The following PKP2 variants were observed in gnomAD, a reference collection of about 807,000 sequenced individuals.
The protein encoded by PKP2 is plakophilin 2, also known as plakophilin-2.
In PKP2, 73 loss-of-function variants were observed where a neutral mutation model predicts 83.4. The ratio of observed to expected loss-of-function variants is 0.88; its 90% confidence interval spans 0.72 to 1.06. PKP2 has a LOEUF of 1.06. PKP2 is among the 50% of genes least tolerant of loss of function. The probability of loss-of-function intolerance (pLI) is 0.00; values close to 1 mark genes in which losing one functional copy is unlikely to be tolerated. For synonymous variants in PKP2, 409 were observed against 430.4 expected, an observed-to-expected ratio of 0.95 and a Z score of 0.62; for missense variants, 966 against 1,065.4, an observed-to-expected ratio of 0.91 and a Z score of 1.30.
chr12:32,850,371 G>A (rs925213648), intron 5 of PKP2, among the ~76,000 whole-genome samples: 2 of 152,060 alleles, frequency 1.3e-5, no homozygotes, highest in South Asian at 2.1e-4. Flanking sequence ...GGCCAACATG[G>A]TGAAACTAAA....
intron 4 of PKP2, chr12:32,863,170 G>T: frequency 5.2e-6 from 1 of 192,278 alleles, no homozygotes; most frequent in Non-Finnish European, 1.1e-5. Flanking sequence ...CAGAACAAAA[G>T]GGAACACATC....
intron 1 of PKP2, among the ~76,000 whole-genome samples, chr12:32,886,104 T>C (rs1405003561): frequency 2.6e-5 from 4 of 152,238 alleles, no homozygotes; most frequent in Non-Finnish European, 5.9e-5. Flanking sequence ...TTAGTATTGA[T>C]TTAAATGCTG....
intron 10 of PKP2, among the ~76,000 whole-genome samples, chr12:32,800,016 A>G (rs1956165308): frequency 6.6e-6 from 1 of 152,164 alleles, no homozygotes; most frequent in South Asian, 2.1e-4. Context: ...TTGTGCTTAA[A>G]CTTTTTGTAA....
At chr12:32,797,253 A>G (rs1330835081) in intron 10 of PKP2, among the ~76,000 whole-genome samples, 1 of 151,870 alleles carries the variant, frequency 6.6e-6, no homozygotes, top group Non-Finnish European at 1.5e-5. Context: ...CAGCCTGGCC[A>G]ACATGGTGAA....
At chr12:32,839,673 A>G (rs1050407289) in intron 6 of PKP2, among the ~76,000 whole-genome samples, 1 of 152,126 alleles carries the variant, frequency 6.6e-6, no homozygotes, top group African/African-American at 2.4e-5. Context: ...TTCGGTTCCC[A>G]CCATTTTCAA....
chr12:32,856,596 C>T (rs1956751123), intron 4 of PKP2, among the ~76,000 whole-genome samples: 1 of 151,918 alleles, frequency 6.6e-6, no homozygotes, highest in Admixed American at 6.6e-5. Context: ...CACACTGGGG[C>T]CTGTCATGGG....
intron 9 of PKP2, among the ~76,000 whole-genome samples, chr12:32,810,019 C>A (rs890582023): frequency 6.6e-6 from 1 of 152,156 alleles, no homozygotes; most frequent in African/African-American, 2.4e-5. Flanking sequence ...CCCTCTTGGC[C>A]CCCATCTCAA....
At chr12:32,834,302 T>TAGGCCAACA (rs1416001855) in intron 6 of PKP2, among the ~76,000 whole-genome samples, 1 of 152,160 alleles carries the variant, frequency 6.6e-6, no homozygotes, top group African/African-American at 2.4e-5. Context: ...CTTCAACAAG[T>TAGGCCAACA]ACTCAAGGAA....
intron 6 of PKP2, among the ~76,000 whole-genome samples, chr12:32,834,375 T>C (rs530499732): frequency 6.6e-6 from 1 of 152,344 alleles, no homozygotes. Flanking sequence ...CCAAGAAGGC[T>C]GGACTAGCTA....
chr12:32,893,450 T>TTA (rs1189401964), intron 1 of PKP2: 3 of 152,228 alleles, frequency 2.0e-5, no homozygotes, highest in African/African-American at 7.2e-5. Flanking sequence ...TCAAAGAAGT[T>TTA]TAATTAAACA....
At chr12:32,828,320 G>A (rs1482737348) in intron 6 of PKP2, among the ~76,000 whole-genome samples, 1 of 151,868 alleles carries the variant, frequency 6.6e-6, no homozygotes, top group African/African-American at 2.4e-5. Flanking sequence ...AAAGAGAAAA[G>A]AAAACACAAC....
At chr12:32,855,567 G>T (rs1474985366) in intron 4 of PKP2, among the ~76,000 whole-genome samples, 7 of 152,118 alleles carry the variant, frequency 4.6e-5, no homozygotes. Context: ...TTGAGGTCAG[G>T]AGTTCGAGAC....
In PKP2 at chr12:32,878,163, G is replaced by A. The variant is rs143777637; in HGVS notation, c.717C>T (p.Ala239=). 4 of 1,614,236 alleles carry A rather than the reference G, an allele frequency of 2.5e-6. No individual in the cohort carries two copies. Among genetic ancestry groups the A allele is most frequent in the South Asian group, 1.1e-5 (1 of 91,088 alleles). ...TVFDSIPANP[A]LLTYPRPGTS... ...TCCCTGGCCTGGGGTACGTGAGCAG[G>A]GCCGGGTTGGCAGGGATGCTGTCAA... is the stretch of plus-strand genomic sequence containing the variant. Residue 239 remains alanine (A), a synonymous_variant, in exon 3 of 13, where the codon GCC becomes GCT. Coordinates refer to ENST00000340811, the MANE Select transcript of PKP2 (RefSeq NM_001005242.3).
At chr12:32,807,857 C>T (rs781621318) in intron 9 of PKP2, among the ~76,000 whole-genome samples, 28 of 152,126 alleles carry the variant, frequency 1.8e-4, no homozygotes, top group Non-Finnish European at 3.1e-4. Flanking sequence ...ATATTGGCCC[C>T]CAATCTCTTC....
chr12:32,814,858 G>A (rs1956306126), intron 9 of PKP2, among the ~76,000 whole-genome samples: 1 of 151,942 alleles, frequency 6.6e-6, no homozygotes, highest in Non-Finnish European at 1.5e-5. Flanking sequence ...CCAGGAGGCG[G>A]AGGTTGCAGT....
Position 32,791,602 on chromosome 12 carries a change from ATTTAACGGCG to A in PKP2, c.*812_*821del, listed in dbSNP as rs1273966278. ...ATGCCATCGTTTAGAAGAGATTTGGATTTAACGGCGTTGTTATAGGTAAAGTATCTCCTGA... is the reference window on the plus strand; with the variant it reads ...ATGCCATCGTTTAGAAGAGATTTGGATTGTTATAGGTAAAGTATCTCCTGA... On this transcript the variant is annotated 3_prime_UTR_variant, in exon 13 of 13. Transcript: ENST00000340811. 3 of 152,260 alleles carry A rather than the reference ATTTAACGGCG, an allele frequency of 2.0e-5. No homozygotes were observed. Among genetic ancestry groups the A allele is most frequent in the Non-Finnish European group, 4.4e-5 (3 of 68,072 alleles). The allele number at this position is 152,260 out of a possible 1,614,324, so 9.4% of individuals were successfully genotyped here. A position where few individuals can be genotyped will look rare whatever the true frequency, so the allele number is the denominator to read the frequency against.
At chr12:32,892,482 T>A (rs938543682) in intron 1 of PKP2, among the ~76,000 whole-genome samples, 2 of 151,866 alleles carry the variant, frequency 1.3e-5, no homozygotes, top group African/African-American at 4.8e-5. Context: ...CTGGCTAATT[T>A]GTTTTTTATT....
chr12:32,796,018 G>T, intron 11 of PKP2, 91 bp downstream of exon 11: 1 of 1,119,878 alleles, frequency 8.9e-7, no homozygotes, highest in Non-Finnish European at 1.4e-6. Context: ...TGCACATGAT[G>T]GTCATGACCG....
chr12:32,794,401 T>C lies in PKP2; in HGVS notation c.2358-1670A>G, dbSNP rs139007869. ...AGTTCCCAGGCTAGTCCACAAACGG[T>C]AGGTCAGATATATAACACTCTAGTA... On this transcript the variant is annotated intron_variant, in intron 11 of 12. Coordinates refer to ENST00000340811, the MANE Select transcript of PKP2 (RefSeq NM_001005242.3). 9.8e-3 allele frequency among the ~76,000 whole-genome samples: 1,489 copies of C among 152,280 alleles called. 11 individuals are homozygous for C. The highest frequency in any genetic ancestry group is 0.015 in the Non-Finnish European group (1,030 of 68,034).
Sources: gnomAD v4.1 joint callset for allele counts (sites outside exome capture counted in the v4.1 genomes callset) on GRCh38, gnomAD v4.1.1 for gene constraint, MANE v1.5 for transcripts, NCBI Gene and HGNC (gene_info 2026-07-23, HGNC 2026-07-21) for gene names.